Variants in GRAMD1C observed in about 807,000 individuals in gnomAD.
GRAMD1C encodes the protein GRAM domain containing 1C.
In GRAMD1C, 89 loss-of-function variants were observed where a neutral mutation model predicts 97.8. The observed-to-expected ratio is 0.91, with a 90% confidence interval of 0.77 to 1.09. The LOEUF (loss-of-function observed/expected upper bound fraction) is 1.09, where lower values mean the gene tolerates loss of function less well. Among genes scored for constraint, GRAMD1C ranks in the 50% least tolerant of loss-of-function variants. The pLI, the probability that GRAMD1C is intolerant of heterozygous loss-of-function variation, is 0.00. For synonymous variants in GRAMD1C, 256 were observed against 267.0 expected (o/e 0.96, Z 0.40); for missense variants, 740 against 766.4 (o/e 0.97, Z 0.41).
At chr3:113,843,100 G>T (rs895744808) in intron 1 of GRAMD1C, among the ~76,000 whole-genome samples, 7 of 133,736 alleles carry the variant, frequency 5.2e-5, no homozygotes, top group African/African-American at 1.4e-4. Flanking sequence ...TTTGAGACAG[G>T]GTTTTGCTTT....
chr3:113,875,350 A>C (rs1934983104), intron 3 of GRAMD1C, 134 bp from the exon 4 acceptor site: 5 of 584,040 alleles, frequency 8.6e-6, no homozygotes, highest in Non-Finnish European at 1.5e-5. Context: ...TATGGTGTCC[A>C]AAGTAGATGA....
intron 6 of GRAMD1C, chr3:113,885,634 A>C: frequency 2.7e-6 from 4 of 1,497,934 alleles, no homozygotes; most frequent in Non-Finnish European, 3.7e-6. Context: ...AAGAGGCCCC[A>C]TGTGGATTTC....
intron 10 of GRAMD1C, among the ~76,000 whole-genome samples, chr3:113,920,805 G>A (rs933884086): frequency 1.3e-5 from 2 of 152,038 alleles, no homozygotes; most frequent in Non-Finnish European, 2.9e-5. Context: ...GGCCTCCCAA[G>A]GTGCTGGGAT....
intron 17 of GRAMD1C, among the ~76,000 whole-genome samples, chr3:113,941,778 C>T (rs1043872073): frequency 1.3e-5 from 2 of 152,110 alleles, no homozygotes; most frequent in Non-Finnish European, 2.9e-5. Flanking sequence ...GCCACCATGC[C>T]TGGTTAATTT....
At chr3:113,846,348 C>T (rs370233977) in intron 2 of GRAMD1C, among the ~76,000 whole-genome samples, 5 of 152,030 alleles carry the variant, frequency 3.3e-5, no homozygotes, top group South Asian at 2.1e-4. Flanking sequence ...TCAGGTGATC[C>T]GCCCGCCTCG....
Position 113,938,089 on chromosome 3 carries a change from A to G in GRAMD1C, c.1637A>G (p.Lys546Arg), listed in dbSNP as rs1464439781. Reference sequence around the variant, plus strand: ...GCCTTTTTCTTGTGATCTACAGGAAAGAAAAAGGAAATGGAAAACTATAAC... The same window carrying G: ...GCCTTTTTCTTGTGATCTACAGGAAGGAAAAAGGAAATGGAAAACTATAAC... ...GLGAKGDITG[K>R]KKEMENYNVT... is the part of the protein sequence containing the mutation. The change falls in exon 15 of 18, where the codon AAG (lysine) becomes AGG (arginine). Residue 546 changes from lysine to arginine, a missense_variant. By Grantham distance (26) the Lys-to-Arg change is conservative. Transcript: ENST00000358160. 1.3e-6 allele frequency: 2 copies of G among 1,513,196 alleles called. No individual in the cohort carries two copies. The highest frequency in any genetic ancestry group is 2.3e-5 in the East Asian group (1 of 43,680). 93.7% of individuals were successfully genotyped at this position (1,513,196 alleles called of 1,614,324 possible). A position where few individuals can be genotyped will look rare whatever the true frequency, so the allele number is the denominator to read the frequency against.
At chr3:113,909,210 T>A (rs1936476053) in intron 9 of GRAMD1C, 90 bp downstream of exon 9, 5 of 591,244 alleles carry the variant, frequency 8.5e-6, no homozygotes, top group Non-Finnish European at 1.4e-5. Context: ...GAGAATTTAG[T>A]TTTATTAGAC....
intron 17 of GRAMD1C, 93 bp downstream of exon 17, chr3:113,940,438 C>A: frequency 1.4e-6 from 1 of 729,934 alleles, no homozygotes; most frequent in South Asian, 1.9e-5. Flanking sequence ...ACCCTACTAT[C>A]GTTTGAAAAA....
chr3:113,851,863 C>CTTTA (rs553884730), intron 2 of GRAMD1C, among the ~76,000 whole-genome samples: 128 of 150,862 alleles, frequency 8.5e-4, no homozygotes, highest in South Asian at 2.5e-3. Context: ...TTATTCTGTA[C>CTTTA]TTTATTTATT....
At chr3:113,833,395 C>A (rs1199602593) in intron 1 of GRAMD1C, among the ~76,000 whole-genome samples, 1 of 152,010 alleles carries the variant, frequency 6.6e-6, no homozygotes, top group Non-Finnish European at 1.5e-5. Flanking sequence ...CCTCAGCCTT[C>A]CAAAGTGCTG....
intron 9 of GRAMD1C, among the ~76,000 whole-genome samples, chr3:113,909,445 T>G (rs1936484985): frequency 2.0e-5 from 3 of 152,256 alleles, no homozygotes; most frequent in African/African-American, 7.2e-5. Flanking sequence ...ACATATTATT[T>G]CATTTAGGCT....
At position 113,929,846 on chromosome 3, in the gene GRAMD1C, G is replaced by A. The variant is rs576180300; in HGVS notation, c.1091-868G>A. On this transcript the variant is annotated intron_variant, in intron 10 of 17. Coordinates refer to ENST00000358160, the MANE Select transcript of GRAMD1C (RefSeq NM_017577.5). ...TTCTAAAGCCTCACTTCCTTCCTTT[G>A]ATGATGAGTATAATGGGGTTAGATA... 4.5e-3 allele frequency among the ~76,000 whole-genome samples: 691 copies of A among 152,210 alleles called. 5 individuals carry two copies. The highest frequency in any genetic ancestry group is 6.6e-3 in the Non-Finnish European group (450 of 67,994).
At chr3:113,892,417 A>G (rs771969206) in intron 6 of GRAMD1C, among the ~76,000 whole-genome samples, 9 of 152,204 alleles carry the variant, frequency 5.9e-5, no homozygotes, top group Non-Finnish European at 1.0e-4. Context: ...GGTTGCAGTG[A>G]GCTGAGATGG....
In GRAMD1C at chr3:113,930,755, C is replaced by T; in HGVS notation, c.1132C>T (p.Gln378Ter). The T allele has an allele frequency of 6.2e-7, 1 of 1,610,960 alleles. No homozygotes were observed. Residue 378 changes from glutamine (Q) to a stop codon, truncating the protein, a stop_gained, in exon 11 of 18, where the codon CAG becomes TAG. Coordinates refer to ENST00000358160, the MANE Select transcript of GRAMD1C (RefSeq NM_017577.5). LOFTEE classifies it high-confidence loss of function. Reference protein sequence around the residue: ...TPWTAELGGDQLRTMTYTIVL... With the variant: ...TPWTAELGGD The stretch of plus-strand genomic sequence containing the variant: ...TTGGACTGCAGAACTTGGAGGTGAT[C>T]AGCTGAGAACGATGACCTACACTAT...
chr3:113,871,756 A>AAC lies in GRAMD1C; in HGVS notation c.259+2166_259+2167insCA, dbSNP rs1250095600. Among the ~76,000 whole-genome samples, 621 of 149,330 alleles carry AAC rather than the reference A, an allele frequency of 4.2e-3. 6 individuals carry two copies. Among genetic ancestry groups the AAC allele is most frequent in the Non-Finnish European group, 7.6e-3 (508 of 66,938 alleles). On this transcript the variant is annotated intron_variant, in intron 3 of 17. Transcript: ENST00000358160. ...TGAGACTCTGTCTCAAAAAAAAAAA[A>AAC]AAAAAAAAAACAACCAACAATAACA...
intron 2 of GRAMD1C, among the ~76,000 whole-genome samples, chr3:113,851,257 A>G (rs1933891259): frequency 6.6e-6 from 1 of 152,176 alleles, no homozygotes; most frequent in African/African-American, 2.4e-5. Context: ...CTTGAAAACT[A>G]TGCATAAAGA....
intron 1 of GRAMD1C, among the ~76,000 whole-genome samples, chr3:113,840,092 C>G (rs1451540688): frequency 6.6e-6 from 1 of 152,062 alleles, no homozygotes; most frequent in Non-Finnish European, 1.5e-5. Flanking sequence ...TCAGACTCCC[C>G]AGTAGCTGGA....
At chr3:113,900,921 C>A in intron 6 of GRAMD1C, 110 bp from the exon 7 acceptor site, 1 of 600,558 alleles carries the variant, frequency 1.7e-6, no homozygotes, top group South Asian at 2.2e-5. Flanking sequence ...AGCCCCATAT[C>A]TAGTCTTTGC....
At chr3:113,885,450 G>A in intron 6 of GRAMD1C, 1 of 1,581,260 alleles carries the variant, frequency 6.3e-7, no homozygotes, top group Non-Finnish European at 8.7e-7. Context: ...TATCTCCTGT[G>A]TCCCGGAATT....
Sources: gnomAD v4.1 joint callset for allele counts (sites outside exome capture counted in the v4.1 genomes callset) on GRCh38, gnomAD v4.1.1 for gene constraint, MANE v1.5 for transcripts, NCBI Gene and HGNC (gene_info 2026-07-23, HGNC 2026-07-21) for gene names.